The following HIVEP2 variants were observed in gnomAD, a reference collection of about 807,000 sequenced individuals.
HIVEP2 encodes the protein HIVEP zinc finger 2, also known as transcription factor HIVEP2.
In HIVEP2, 14 loss-of-function variants were observed where a neutral mutation model predicts 180.7. That is an observed-to-expected ratio of 0.08 (90% CI 0.05 to 0.12). The LOEUF (loss-of-function observed/expected upper bound fraction) is 0.12. Among genes scored for constraint, HIVEP2 ranks in the 10% least tolerant of loss-of-function variants. The pLI, the probability that HIVEP2 is intolerant of heterozygous loss-of-function variation, is 1.00. For missense variants in HIVEP2, 2,579 were observed against 3,008.5 expected, an observed-to-expected ratio of 0.86 and a Z score of 3.34; for synonymous variants, 1,184 against 1,136.4, an observed-to-expected ratio of 1.04 and a Z score of -0.84.
At chr6:142,924,792 T>C (rs527413931) in intron 1 of HIVEP2, among the ~76,000 whole-genome samples, 36 of 152,350 alleles carry the variant, frequency 2.4e-4, no homozygotes, top group African/African-American at 8.4e-4. Context: ...CCATAAGGAC[T>C]TTTCACACTC....
At chr6:142,827,398 C>T (rs557523025) in intron 2 of HIVEP2, among the ~76,000 whole-genome samples, 1 of 152,346 alleles carries the variant, frequency 6.6e-6, no homozygotes, top group South Asian at 2.1e-4. Flanking sequence ...TATTGCACCC[C>T]TGCCCTGTGT....
intron 1 of HIVEP2, among the ~76,000 whole-genome samples, chr6:142,869,248 A>T (rs1399791364): frequency 6.6e-6 from 1 of 152,210 alleles, no homozygotes; most frequent in East Asian, 1.9e-4. Flanking sequence ...TTTAAAAAAT[A>T]AATTACTGAT....
At chr6:142,792,749 AAATG>A (rs1400366678) in intron 2 of HIVEP2, among the ~76,000 whole-genome samples, 4 of 152,182 alleles carry the variant, frequency 2.6e-5, no homozygotes, top group East Asian at 3.8e-4. Flanking sequence ...ATAAATAAAT[AAATG>A]AATATTTCAT....
rs1037125125 is a variant in HIVEP2 at position 142,772,015 on chromosome 6, G to A, written c.2724C>T (p.Ser908=). 6.2e-6 allele frequency: 10 copies of A among 1,614,194 alleles called. No individual in the cohort carries two copies. The highest frequency in any genetic ancestry group is 8.5e-6 in the Non-Finnish European group (10 of 1,180,040). Residue 908 remains serine (S), a synonymous_variant, in exon 5 of 10, where the codon AGC becomes AGT. Transcript: ENST00000367603. The surrounding 1 kb of genome is among the most constrained non-coding windows in gnomAD (Gnocchi z 4.9). Reference sequence around the variant, plus strand: ...CTTCCACAGGCTTCTCTGGCTCTTTGCTCTGGGCTTCCTTCTCCTTCTCAG... The same window carrying A: ...CTTCCACAGGCTTCTCTGGCTCTTTACTCTGGGCTTCCTTCTCCTTCTCAG... ...DKPEKEKEAQ[S]KEPEKPVEEF...
chr6:142,885,357 C>T (rs1167046498), intron 1 of HIVEP2, among the ~76,000 whole-genome samples: 4 of 152,038 alleles, frequency 2.6e-5, no homozygotes, highest in Admixed American at 2.0e-4. Flanking sequence ...TCGTCCCTCC[C>T]CCATCATCGC....
chr6:142,836,762 A>G (rs550306674), intron 2 of HIVEP2, among the ~76,000 whole-genome samples, 173 bp downstream of exon 2: 7 of 152,306 alleles, frequency 4.6e-5, no homozygotes, highest in African/African-American at 1.7e-4. Context: ...CAGAAATGCA[A>G]TAAAGTATGA....
At chr6:142,907,367 C>CAGT (rs77692972) in intron 1 of HIVEP2, among the ~76,000 whole-genome samples, 9,464 of 152,158 alleles carry the variant, frequency 0.062, 387 homozygotes, top group Middle Eastern at 0.11. Context: ...CTAGCACTAC[C>CAGT]AGTAGTCTTA....
chr6:142,772,632 C>A lies in HIVEP2; in HGVS notation c.2107G>T (p.Val703Leu). 6.2e-7 allele frequency: 1 copy of A among 1,614,236 alleles called. No homozygotes were observed. Among genetic ancestry groups the A allele is most frequent in the South Asian group, 1.1e-5 (1 of 91,086 alleles). Residue 703 changes from valine to leucine, a missense_variant, in exon 5 of 10, where the codon GTA (valine) becomes TTA (leucine). Val to Leu is a conservative substitution (Grantham distance 32). Around this residue, in one of 11 missense-constraint regions of HIVEP2, gnomAD observed 524 missense variants for 563.6 expected, o/e 0.93. Coordinates refer to ENST00000367603, the MANE Select transcript of HIVEP2 (RefSeq NM_006734.4). The surrounding 1 kb of genome is among the most constrained non-coding windows in gnomAD (Gnocchi z 4.9). ...ENRKRRKEKS[V>L]GDEEDTPMIC... ...ATGGGCGTGTCCTCTTCATCCCCTA[C>A]GCTCTTCTCTTTCCGGCGTTTCCTG...
At chr6:142,916,886 AACT>A (rs1777563800) in intron 1 of HIVEP2, among the ~76,000 whole-genome samples, 1 of 152,238 alleles carries the variant, frequency 6.6e-6, no homozygotes, top group Non-Finnish European at 1.5e-5. Context: ...TATTGAAAGA[AACT>A]ACTGTTTTAA....
At chr6:142,881,594 T>A (rs1776575401) in intron 1 of HIVEP2, among the ~76,000 whole-genome samples, 1 of 152,238 alleles carries the variant, frequency 6.6e-6, no homozygotes, top group Non-Finnish European at 1.5e-5. Flanking sequence ...TTCTGTCATC[T>A]GTATTCGAAA....
chr6:142,770,959 C>T lies in HIVEP2; in HGVS notation c.3780G>A (p.Val1260=). The T allele has an allele frequency of 6.2e-7, 1 of 1,614,192 alleles. No homozygotes were observed. The highest frequency in any genetic ancestry group is 1.7e-5 in the Admixed American group (1 of 60,026). The change falls in exon 5 of 10, where the codon GTG becomes GTA. Residue 1260 remains valine (V), a synonymous_variant. Transcript: ENST00000367603. The surrounding 1 kb of genome is among the most constrained non-coding windows in gnomAD (Gnocchi z 4.7). The part of the protein sequence containing the change: ...EIHSSYPLEH[V]AEHTGKKPAE... ...CAGGTTTCTTTCCAGTGTGCTCTGC[C>T]ACATGCTCTAAGGGATAGCTCGAAT... is the stretch of plus-strand genomic sequence containing the variant.
Position 142,774,630 on chromosome 6 carries a change from T to C in HIVEP2, c.109A>G (p.Ser37Gly), listed in dbSNP as rs1211427330. 1 of 1,614,220 alleles carries C rather than the reference T, an allele frequency of 6.2e-7. No homozygotes were observed. ...RQEQSAVIKM[S>G]TFGSHEGQRQ... ...TGTCCTTCATGACTGCCAAAAGTGCTCATCTTAATAACAGCTGATTGTTCC... is the reference window on the plus strand; with the variant it reads ...TGTCCTTCATGACTGCCAAAAGTGCCCATCTTAATAACAGCTGATTGTTCC... The change falls in exon 5 of 10, where the codon AGC becomes GGC. Residue 37 changes from serine (S) to glycine (G), a missense_variant. Coordinates refer to ENST00000367603, the MANE Select transcript of HIVEP2 (RefSeq NM_006734.4). This position sits in a 1 kb window ranked among gnomAD's most constrained non-coding sequence, Gnocchi z 5.1.
intron 1 of HIVEP2, among the ~76,000 whole-genome samples, chr6:142,857,926 T>C (rs1775867848): frequency 6.6e-6 from 1 of 152,264 alleles, no homozygotes; most frequent in African/African-American, 2.4e-5. Flanking sequence ...AACTTATCTA[T>C]GGCCCAGTGT....
chr6:142,933,247 G>A (rs1389102563), intron 1 of HIVEP2, among the ~76,000 whole-genome samples: 3 of 152,294 alleles, frequency 2.0e-5, no homozygotes, highest in African/African-American at 7.2e-5. Flanking sequence ...ATACTTACAT[G>A]TCAAATACAA....
At chr6:142,938,945 C>T (rs963345965) in intron 1 of HIVEP2, among the ~76,000 whole-genome samples, 5 of 152,050 alleles carry the variant, frequency 3.3e-5, no homozygotes, top group African/African-American at 1.2e-4. Flanking sequence ...TCCAGTTAAC[C>T]ACGAAATGAA....
At chr6:142,886,702 A>T (rs558048897) in intron 1 of HIVEP2, among the ~76,000 whole-genome samples, 1 of 152,226 alleles carries the variant, frequency 6.6e-6, no homozygotes, top group Non-Finnish European at 1.5e-5. Flanking sequence ...AAATTTATCT[A>T]TGATAGAATT....
At chr6:142,787,565 A>G (rs1776033146) in intron 2 of HIVEP2, among the ~76,000 whole-genome samples, 1 of 74,830 alleles carries the variant, frequency 1.3e-5, no homozygotes, top group Non-Finnish European at 3.2e-5. Flanking sequence ...TTTCCTCTCT[A>G]CAAAAAAAAA....
chr6:142,879,525 C>T (rs935168569), intron 1 of HIVEP2, among the ~76,000 whole-genome samples: 4 of 152,142 alleles, frequency 2.6e-5, no homozygotes, highest in Non-Finnish European at 5.9e-5. Context: ...ATCCTCTTGA[C>T]CTGCTCCTTC....
At chr6:142,911,865 A>G (rs1356542835) in intron 1 of HIVEP2, among the ~76,000 whole-genome samples, 1 of 152,150 alleles carries the variant, frequency 6.6e-6, no homozygotes, top group Non-Finnish European at 1.5e-5. Flanking sequence ...ATCACTGACT[A>G]ATTTAACTGA....
Sources: gnomAD v4.1 joint callset for allele counts (sites outside exome capture counted in the v4.1 genomes callset) on GRCh38, gnomAD v4.1.1 for gene constraint, gnomAD v4.1.1 regional missense constraint, Gnocchi (gnomAD v3.1) non-coding constraint, MANE v1.5 for transcripts, NCBI Gene and HGNC (gene_info 2026-07-23, HGNC 2026-07-21) for gene names.